TMEM132D: variants seen among roughly 807,000 people sequenced by gnomAD.
TMEM132D encodes mature OL transmembrane protein.
In TMEM132D, 21 loss-of-function variants were observed where a neutral mutation model predicts 62.3. The observed-to-expected ratio is 0.34, with a 90% CI of 0.24 to 0.49. TMEM132D has a LOEUF of 0.49. Among genes scored for constraint, TMEM132D ranks in the 20% least tolerant of loss-of-function variants. The probability of loss-of-function intolerance (pLI) is 0.99; values close to 1 mark genes in which losing one functional copy is unlikely to be tolerated. For missense variants in TMEM132D, 1,346 were observed against 1,402.8 expected, an observed-to-expected ratio of 0.96 and a Z score of 0.65; for synonymous variants, 621 against 575.6, an observed-to-expected ratio of 1.08 and a Z score of -1.13.
intron 3 of TMEM132D, among the ~76,000 whole-genome samples, chr12:129,457,033 G>T (rs892254908): frequency 6.6e-6 from 1 of 151,846 alleles, no homozygotes; most frequent in African/African-American, 2.4e-5. Context: ...TCAGTGTGGC[G>T]ATTCCTCAGG....
intron 3 of TMEM132D, among the ~76,000 whole-genome samples, chr12:129,489,198 C>A (rs1286860233): frequency 2.0e-5 from 3 of 152,154 alleles, no homozygotes; most frequent in African/African-American, 7.2e-5. Flanking sequence ...AGGGATAAGG[C>A]AAATTGGTCT....
chr12:129,659,494 CCTCTT>C (rs1439603128), intron 2 of TMEM132D, among the ~76,000 whole-genome samples: 1 of 152,150 alleles, frequency 6.6e-6, no homozygotes, highest in Non-Finnish European at 1.5e-5. Context: ...ACTCACATCT[CCTCTT>C]CTGCTTCGAT....
At chr12:129,192,825 C>A (rs1250361831) in intron 5 of TMEM132D, among the ~76,000 whole-genome samples, 1 of 152,092 alleles carries the variant, frequency 6.6e-6, no homozygotes, top group African/African-American at 2.4e-5. Context: ...AAAGGAGGTT[C>A]AAATCCTAAA....
intron 3 of TMEM132D, among the ~76,000 whole-genome samples, chr12:129,524,363 A>T (rs1478190338): frequency 6.6e-6 from 1 of 152,176 alleles, no homozygotes; most frequent in Admixed American, 6.5e-5. Flanking sequence ...CTTCATAATT[A>T]CATGAGCGGT....
intron 1 of TMEM132D, among the ~76,000 whole-genome samples, chr12:129,792,518 G>T (rs1010969905): frequency 2.0e-5 from 3 of 152,102 alleles, no homozygotes; most frequent in Admixed American, 6.5e-5. Context: ...CATATTTACC[G>T]AAAACCTGTG....
intron 3 of TMEM132D, among the ~76,000 whole-genome samples, chr12:129,358,129 TA>T (rs1293720087): frequency 6.6e-6 from 1 of 152,188 alleles, no homozygotes; most frequent in African/African-American, 2.4e-5. Context: ...TTCTATCTTA[TA>T]ATACCCTGAG....
intron 3 of TMEM132D, among the ~76,000 whole-genome samples, chr12:129,488,061 G>A (rs1022754355): frequency 1.3e-5 from 2 of 151,868 alleles, no homozygotes; most frequent in African/African-American, 2.4e-5. Flanking sequence ...TGAGGACATG[G>A]TGTCCTCAGC....
chr12:129,297,537 G>A (rs979807828), intron 4 of TMEM132D, among the ~76,000 whole-genome samples: 10 of 152,240 alleles, frequency 6.6e-5, no homozygotes, highest in African/African-American at 1.9e-4. Context: ...TCTGCCGTTA[G>A]TAAGAATTGG....
intron 2 of TMEM132D, among the ~76,000 whole-genome samples, chr12:129,653,813 T>C (rs1424218679): frequency 6.6e-6 from 1 of 152,236 alleles, no homozygotes; most frequent in African/African-American, 2.4e-5. Context: ...AGCCGGTACA[T>C]TTGCTGCAAT....
intron 3 of TMEM132D, among the ~76,000 whole-genome samples, chr12:129,442,825 T>C (rs1872979415): frequency 6.6e-6 from 1 of 152,148 alleles, no homozygotes; most frequent in Admixed American, 6.6e-5. Context: ...AAACGCCTTA[T>C]GTGTATTCAT....
At chr12:129,308,363 G>T (rs1340518957) in intron 4 of TMEM132D, among the ~76,000 whole-genome samples, 1 of 152,112 alleles carries the variant, frequency 6.6e-6, no homozygotes, top group Non-Finnish European at 1.5e-5. Context: ...TATCTGCATG[G>T]GTGAATAAAG....
chr12:129,606,551 C>T (rs1008715493), intron 2 of TMEM132D, among the ~76,000 whole-genome samples: 11 of 152,086 alleles, frequency 7.2e-5, no homozygotes, highest in Non-Finnish European at 1.0e-4. Context: ...AGCTGAGGAC[C>T]AGGCTGGACA....
intron 4 of TMEM132D, among the ~76,000 whole-genome samples, chr12:129,295,097 T>C (rs1417276190): frequency 1.3e-5 from 2 of 152,212 alleles, no homozygotes; most frequent in African/African-American, 4.8e-5. Flanking sequence ...AACAAAAAGA[T>C]TGGCCTCCTG....
At chr12:129,133,326 C>A (rs562071871) in intron 5 of TMEM132D, among the ~76,000 whole-genome samples, 1 of 152,352 alleles carries the variant, frequency 6.6e-6, no homozygotes, top group East Asian at 1.9e-4. Flanking sequence ...AACAGCAATT[C>A]CCCATCTTCT....
intron 1 of TMEM132D, among the ~76,000 whole-genome samples, chr12:129,834,046 C>T (rs551477076): frequency 5.9e-5 from 9 of 152,290 alleles, no homozygotes; most frequent in African/African-American, 1.4e-4. Context: ...CAGGAACTTT[C>T]GGATCACTGT....
chr12:129,074,372 A>G lies in TMEM132D; in HGVS notation c.2803T>C (p.Leu935=), dbSNP rs968721066. The change falls in exon 9 of 9, where the codon TTG becomes CTG. Residue 935 remains leucine, a synonymous_variant. Transcript: ENST00000422113. ...GVFCLAILVF[L]INCVTFALKY... ...AATGCAAAGGTCACACAGTTTATCA[A>G]GAAGACCAAAATGGCCAAACAGAAG... 2 of 1,613,940 alleles carry G rather than the reference A, an allele frequency of 1.2e-6. No homozygotes were observed. The highest frequency in any genetic ancestry group is 1.3e-5 in the African/African-American group (1 of 74,862).
At chr12:129,126,900 G>A (rs142842997) in intron 5 of TMEM132D, among the ~76,000 whole-genome samples, 214 of 152,316 alleles carry the variant, frequency 1.4e-3, no homozygotes, top group African/African-American at 4.6e-3. Context: ...ACACTGGCAC[G>A]CTGAGATGCC....
chr12:129,367,581 T>A (rs1373408073), intron 3 of TMEM132D, among the ~76,000 whole-genome samples: 1 of 152,082 alleles, frequency 6.6e-6, no homozygotes, highest in Non-Finnish European at 1.5e-5. Flanking sequence ...TGTGACGGGC[T>A]GCAAGGTCAA....
At chr12:129,162,927 G>A (rs1489416869) in intron 5 of TMEM132D, among the ~76,000 whole-genome samples, 5 of 152,236 alleles carry the variant, frequency 3.3e-5, no homozygotes, top group Admixed American at 6.5e-5. Context: ...ACCTGGGCTA[G>A]CACAGTCATC....
Sources: gnomAD v4.1 joint callset for allele counts (sites outside exome capture counted in the v4.1 genomes callset) on GRCh38, gnomAD v4.1.1 for gene constraint, MANE v1.5 for transcripts, NCBI Gene and HGNC (gene_info 2026-07-23, HGNC 2026-07-21) for gene names.